Variants in FARP1 observed in about 807,000 individuals in gnomAD.
The protein encoded by FARP1 is FERM, ARHGEF and pleckstrin domain-containing protein 1.
A neutral mutation model predicts 128.8 loss-of-function variants in FARP1; 52 were observed. That is an observed-to-expected ratio of 0.40 (90% CI 0.32 to 0.51). FARP1 has a LOEUF of 0.51. Among genes scored for constraint, FARP1 ranks in the 20% least tolerant of loss-of-function variants. The pLI is 0.45. For missense variants in FARP1, 1,333 were observed against 1,367.9 expected, an observed-to-expected ratio of 0.97 and a Z score of 0.40; for synonymous variants, 580 against 551.8, an observed-to-expected ratio of 1.05 and a Z score of -0.72.
chr13:98,170,158 C>T (rs1392012298), intron 1 of FARP1, among the ~76,000 whole-genome samples: 1 of 152,062 alleles, frequency 6.6e-6, no homozygotes, highest in Non-Finnish European at 1.5e-5. Flanking sequence ...GATTTTAAAA[C>T]ATTTTCTTCT....
chr13:98,409,551 T>C, intron 14 of FARP1, 26 bp downstream of exon 14: 1 of 1,549,624 alleles, frequency 6.5e-7, no homozygotes, highest in East Asian at 2.3e-5. Context: ...CTCAAGCGCG[T>C]GTGTGGCTGT....
intron 3 of FARP1, among the ~76,000 whole-genome samples, chr13:98,345,049 C>T (rs369113139): frequency 6.6e-6 from 1 of 152,324 alleles, no homozygotes; most frequent in African/African-American, 2.4e-5. Flanking sequence ...ATTCACTAGG[C>T]ACACACAGCT....
chr13:98,285,823 A>G lies in FARP1; in HGVS notation c.172-57939A>G, dbSNP rs1885139094. 2.6e-5 allele frequency among the ~76,000 whole-genome samples: 4 copies of G among 152,188 alleles called. 1 individual carries two copies. Among genetic ancestry groups the G allele is most frequent in the Admixed American group, 2.6e-4 (4 of 15,282 alleles). On this transcript the variant is annotated intron_variant, in intron 2 of 26. Transcript: ENST00000319562. ...TGCTTTTCAACCATCGTTTGGGAGT[A>G]ACAGTGAACTTGACAGGAGTCAGTA...
intron 16 of FARP1, among the ~76,000 whole-genome samples, chr13:98,417,791 T>C (rs777832112): frequency 6.6e-5 from 10 of 152,180 alleles, no homozygotes; most frequent in Admixed American, 5.2e-4. Context: ...GTCAGAAAAT[T>C]GTTTTGCTGC....
chr13:98,164,367 A>G (rs1389288226), intron 1 of FARP1, among the ~76,000 whole-genome samples: 1 of 152,196 alleles, frequency 6.6e-6, no homozygotes, highest in African/African-American at 2.4e-5. Flanking sequence ...GGGAAAGGAC[A>G]TTTTAGTTCT....
At chr13:98,298,342 A>C (rs1470928984) in intron 2 of FARP1, among the ~76,000 whole-genome samples, 1 of 152,204 alleles carries the variant, frequency 6.6e-6, no homozygotes, top group Non-Finnish European at 1.5e-5. Context: ...CTGAAGACTG[A>C]TTGACAAGGT....
At chr13:98,396,805 T>C (rs2140077331) in intron 13 of FARP1, 1 of 241,826 alleles carries the variant, frequency 4.1e-6, no homozygotes, top group Middle Eastern at 1.2e-3. Context: ...TCCGATCATG[T>C]GTATAGTGTG....
At chr13:98,343,194 G>A (rs1888042801) in intron 2 of FARP1, among the ~76,000 whole-genome samples, 1 of 152,174 alleles carries the variant, frequency 6.6e-6, no homozygotes, top group African/African-American at 2.4e-5. Flanking sequence ...GGATTAGGAG[G>A]GAGGGAGGGA....
chr13:98,287,803 T>G (rs1156618036), intron 2 of FARP1, among the ~76,000 whole-genome samples: 1 of 27,520 alleles, frequency 3.6e-5, no homozygotes, highest in Non-Finnish European at 1.2e-4. Context: ...GGCACTTCTT[T>G]TTTTTTTTTT....
intron 8 of FARP1, 111 bp from the exon 9 acceptor site, chr13:98,388,272 T>A: frequency 1.4e-6 from 1 of 736,790 alleles, no homozygotes; most frequent in Non-Finnish European, 2.5e-6. Flanking sequence ...TCATCTCTAC[T>A]GAGCAGTCGC....
chr13:98,389,893 C>T, intron 9 of FARP1, 64 bp from the exon 10 acceptor site: 1 of 1,499,566 alleles, frequency 6.7e-7, no homozygotes, highest in Non-Finnish European at 9.2e-7. Flanking sequence ...TGCCCCTTTT[C>T]TCCTATTTCA....
chr13:98,410,678 G>A lies in FARP1; in HGVS notation c.1603-56G>A, dbSNP rs921328149. ...TATCACTTTAATGAGGACATTCTCC[G>A]AGACGCATACTCAAAAATGATTATT... On this transcript the variant is annotated intron_variant, in intron 14 of 26. Transcript: ENST00000319562. The A allele has an allele frequency of 1.0e-4, 85 of 828,114 alleles. 1 individual carries two copies. The highest frequency in any genetic ancestry group is 1.0e-3 in the South Asian group (68 of 67,412). 51.3% of individuals were successfully genotyped at this position (828,114 alleles called of 1,614,324 possible).
At chr13:98,252,596 T>G (rs1289741326) in intron 2 of FARP1, among the ~76,000 whole-genome samples, 1 of 152,198 alleles carries the variant, frequency 6.6e-6, no homozygotes, top group Admixed American at 6.5e-5. Context: ...TGCTGAGATT[T>G]CCTCTCACAG....
rs1400970101 is a variant in FARP1 at position 98,449,985 on chromosome 13, A to T, written c.*1668A>T. On this transcript the variant is annotated 3_prime_UTR_variant, in exon 27 of 27. Transcript: ENST00000319562. The stretch of plus-strand genomic sequence containing the variant: ...AGGCTCCCTCCAGAAGTCACCACTC[A>T]CTCATTCCTGGAGACTTGGGGACAA... 2.6e-5 allele frequency: 4 copies of T among 152,026 alleles called. No individual in the cohort carries two copies. Among genetic ancestry groups the T allele is most frequent in the Non-Finnish European group, 4.4e-5 (3 of 68,010 alleles). The allele number at this position is 152,026 out of a possible 1,614,324, so 9.4% of individuals were successfully genotyped here. A position where few individuals can be genotyped will look rare whatever the true frequency, so the allele number is the denominator to read the frequency against.
At chr13:98,299,230 C>CT (rs1885823212) in intron 2 of FARP1, among the ~76,000 whole-genome samples, 1 of 152,148 alleles carries the variant, frequency 6.6e-6, no homozygotes, top group Admixed American at 6.5e-5. Flanking sequence ...TGTTACAAAA[C>CT]TTTGCTGTCT....
At chr13:98,438,774 A>T in intron 19 of FARP1, 30 bp from the exon 20 acceptor site, 7 of 1,605,104 alleles carry the variant, frequency 4.4e-6, no homozygotes, top group Non-Finnish European at 6.0e-6. Context: ...GCACGCTCGC[A>T]GCCAGCCCTC....
chr13:98,431,490 C>G (rs1348223129), intron 18 of FARP1: 1 of 457,874 alleles, frequency 2.2e-6, no homozygotes, highest in African/African-American at 2.2e-5. Flanking sequence ...GAGACTGAGT[C>G]TCACTCTGTC....
chr13:98,251,816 T>C (rs141806315), intron 2 of FARP1, among the ~76,000 whole-genome samples: 1 of 152,164 alleles, frequency 6.6e-6, no homozygotes, highest in East Asian at 1.9e-4. Flanking sequence ...AGATAGCAGA[T>C]TGGATAGTAA....
chr13:98,150,337 T>C (rs1875905876), intron 1 of FARP1, among the ~76,000 whole-genome samples: 1 of 152,238 alleles, frequency 6.6e-6, no homozygotes, highest in Non-Finnish European at 1.5e-5. Flanking sequence ...GGCAGATCTT[T>C]ACTGTTTTTA....
Sources: gnomAD v4.1 joint callset for allele counts (sites outside exome capture counted in the v4.1 genomes callset) on GRCh38, gnomAD v4.1.1 for gene constraint, MANE v1.5 for transcripts, NCBI Gene and HGNC (gene_info 2026-07-23, HGNC 2026-07-21) for gene names.